The following TMEM255B variants were observed in gnomAD, a reference collection of about 807,000 sequenced individuals.
The protein encoded by TMEM255B is family with sequence similarity 70, member B.
A neutral mutation model predicts 34.5 loss-of-function variants in TMEM255B; 35 were observed. The observed-to-expected ratio is 1.01, with a 90% CI of 0.77 to 1.34. The LOEUF is 1.34. Among genes scored for constraint, TMEM255B ranks in the 40% most tolerant of loss-of-function variants. The probability of loss-of-function intolerance (pLI) is 0.00; values close to 1 mark genes in which losing one functional copy is unlikely to be tolerated. For missense variants in TMEM255B, 432 were observed against 433.2 expected (o/e 1.00, Z 0.02); for synonymous variants, 206 against 201.2 (o/e 1.02, Z -0.20).
At position 113,799,326 on chromosome 13, in the gene TMEM255B, TCTGTTTCTC is replaced by T. The variant is rs1194098108; in HGVS notation, c.343-12_343-4del. ...ACCTGTTTTATTCCATCTGTGTTTA[TCTGTTTCTC>T]TAGGAACCGAGGCCCCTCACCACGG... On this transcript the variant is annotated splice_region_variant and splice_polypyrimidine_tract_variant and intron_variant, in intron 4 of 8. Coordinates refer to ENST00000375353, the MANE Select transcript of TMEM255B (RefSeq NM_182614.4). 1 of 1,613,480 alleles carries T rather than the reference TCTGTTTCTC, an allele frequency of 6.2e-7. No homozygotes were observed. The highest frequency in any genetic ancestry group is 1.7e-5 in the Admixed American group (1 of 59,974).
chr13:113,784,196 A>G (rs1026362820), intron 3 of TMEM255B, among the ~76,000 whole-genome samples: 1 of 152,140 alleles, frequency 6.6e-6, no homozygotes, highest in Non-Finnish European at 1.5e-5. Context: ...TTGGGCACCC[A>G]TGTGAGCTGG....
intron 3 of TMEM255B, among the ~76,000 whole-genome samples, chr13:113,772,363 T>C (rs1272190457): frequency 6.6e-6 from 1 of 152,246 alleles, no homozygotes; most frequent in Non-Finnish European, 1.5e-5. Flanking sequence ...ATTTATTTTT[T>C]CTTTTGTTGT....
chr13:113,772,332 T>G (rs2050492029), intron 3 of TMEM255B, among the ~76,000 whole-genome samples: 1 of 152,238 alleles, frequency 6.6e-6, no homozygotes, highest in African/African-American at 2.4e-5. Flanking sequence ...GCACAAAAGT[T>G]TTTAATTTTG....
chr13:113,796,934 G>A (rs566463769), intron 4 of TMEM255B, among the ~76,000 whole-genome samples: 10 of 152,246 alleles, frequency 6.6e-5, no homozygotes, highest in South Asian at 6.2e-4. Context: ...CACACACCAC[G>A]GCCCACATGC....
intron 5 of TMEM255B, 29 bp from the exon 6 acceptor site, chr13:113,800,798 T>G: frequency 1.3e-6 from 2 of 1,584,332 alleles, no homozygotes; most frequent in Non-Finnish European, 1.7e-6. Context: ...GGCACCGGCA[T>G]GTGACCTGAC....
chr13:113,795,205 A>G lies in TMEM255B; in HGVS notation c.310A>G (p.Ile104Val). The G allele has an allele frequency of 1.2e-6, 2 of 1,613,912 alleles. No individual in the cohort carries two copies. The highest frequency in any genetic ancestry group is 1.7e-6 in the Non-Finnish European group (2 of 1,179,968). ...CGTGGTGGCCGCCTTCTGCTGCGCC[A>G]TCGTGGACGGCGTATTTGCAGCACA... ...FGVVAAFCCA[I>V]VDGVFAAQHI... Residue 104 changes from isoleucine (I) to valine (V), a missense_variant, in exon 4 of 9, where the codon ATC becomes GTC. Physicochemically the swap from Ile to Val is conservative, Grantham distance 29. Transcript: ENST00000375353.
intron 4 of TMEM255B, among the ~76,000 whole-genome samples, chr13:113,797,491 G>A (rs559247998): frequency 3.9e-4 from 60 of 152,286 alleles, no homozygotes; most frequent in East Asian, 7.7e-4. Context: ...GCCTCTGTCC[G>A]TGGGGTTGGG....
At chr13:113,761,314 A>G (rs1418319173) in intron 1 of TMEM255B, 3 of 985,084 alleles carry the variant, frequency 3.0e-6, no homozygotes, top group Non-Finnish European at 3.6e-6. Flanking sequence ...GAGGGGCAGG[A>G]AGAACCTGAC....
At chr13:113,803,012 C>T (rs933441132) in intron 7 of TMEM255B, 1 of 148,450 alleles carries the variant, frequency 6.7e-6, no homozygotes, top group Non-Finnish European at 1.5e-5. Flanking sequence ...GCCTCGGCAG[C>T]TCAGTGTCTC....
intron 8 of TMEM255B, among the ~76,000 whole-genome samples, chr13:113,807,819 G>A (rs1443320121): frequency 6.4e-5 from 9 of 139,916 alleles, no homozygotes; most frequent in African/African-American, 1.9e-4. Flanking sequence ...GAGGGCTTAC[G>A]GGATGTGGGG....
chr13:113,799,220 T>C, intron 4 of TMEM255B, 119 bp from the exon 5 acceptor site: 1 of 833,180 alleles, frequency 1.2e-6, no homozygotes, highest in Non-Finnish European at 2.0e-6. Flanking sequence ...AGGCTCAAGT[T>C]GGTGTTGGCC....
chr13:113,804,849 G>T, intron 7 of TMEM255B, 36 bp from the exon 8 acceptor site: 9 of 1,571,480 alleles, frequency 5.7e-6, no homozygotes, highest in South Asian at 1.1e-5. Flanking sequence ...TCCACTAGGG[G>T]GTACACGCCG....
intron 1 of TMEM255B, among the ~76,000 whole-genome samples, chr13:113,762,528 AAG>A (rs766058708): frequency 6.6e-5 from 10 of 152,312 alleles, no homozygotes; most frequent in Non-Finnish European, 1.0e-4. Flanking sequence ...AGACTCAGGA[AAG>A]AGGGGTAAAC....
intron 3 of TMEM255B, 82 bp from the exon 4 acceptor site, chr13:113,795,066 C>A: frequency 7.6e-7 from 1 of 1,315,774 alleles, no homozygotes; most frequent in African/African-American, 1.4e-5. Flanking sequence ...GCCCCGACCT[C>A]GAGCTGGGAC....
At position 113,769,244 on chromosome 13, in the gene TMEM255B, G is replaced by C. The variant is rs559510945; in HGVS notation, c.252+84G>C. 13 of 1,482,730 alleles carry C rather than the reference G, an allele frequency of 8.8e-6. No individual in the cohort carries two copies. The East Asian group carries it at 2.7e-4, about 31-fold the overall frequency. 91.8% of individuals were successfully genotyped at this position (1,482,730 alleles called of 1,614,324 possible). On this transcript the variant is annotated intron_variant, in intron 3 of 8. Transcript: ENST00000375353. The surrounding 1 kb of genome is among the most constrained non-coding windows in gnomAD (Gnocchi z 4.2). ...TGCACTGGGGCTCTGAGAAGAGTCA[G>C]CCCTGCCTCCCCAGCACACTGGTGT...
intron 3 of TMEM255B, among the ~76,000 whole-genome samples, chr13:113,774,295 C>T (rs1242292064): frequency 6.6e-6 from 1 of 152,202 alleles, no homozygotes; most frequent in Non-Finnish European, 1.5e-5. Flanking sequence ...CTGAAGAATG[C>T]CCCAAATCAC....
intron 1 of TMEM255B, among the ~76,000 whole-genome samples, chr13:113,760,562 A>G (rs955432255): frequency 1.3e-5 from 2 of 150,328 alleles, no homozygotes; most frequent in Non-Finnish European, 2.9e-5. Flanking sequence ...TAAAATGTAT[A>G]AAGCATTGGT....
At chr13:113,782,343 T>C (rs2050676501) in intron 3 of TMEM255B, among the ~76,000 whole-genome samples, 2 of 152,178 alleles carry the variant, frequency 1.3e-5, no homozygotes, top group Admixed American at 1.3e-4. Context: ...ATAGCTGTAG[T>C]TTAATTTAAT....
chr13:113,805,164 A>G (rs1023588706), intron 8 of TMEM255B, 136 bp downstream of exon 8: 52 of 1,146,638 alleles, frequency 4.5e-5, no homozygotes, highest in Non-Finnish European at 6.0e-5. Flanking sequence ...GGTGGGGGGC[A>G]GTGACAACCC....
Sources: gnomAD v4.1 joint callset for allele counts (sites outside exome capture counted in the v4.1 genomes callset) on GRCh38, gnomAD v4.1.1 for gene constraint, Gnocchi (gnomAD v3.1) non-coding constraint, MANE v1.5 for transcripts, NCBI Gene and HGNC (gene_info 2026-07-23, HGNC 2026-07-21) for gene names.